GPC5: variants seen among roughly 807,000 people sequenced by gnomAD.
GPC5 encodes glypican-5.
GPC5 carries 47 observed loss-of-function variants against 53.9 expected under a neutral mutation model. The observed-to-expected ratio is 0.87, with a 90% CI of 0.69 to 1.11. The LOEUF is 1.11. Ranked by LOEUF, GPC5 falls within the 50% of genes most tolerant of loss-of-function variation. GPC5 has a pLI of 0.00. For missense variants in GPC5, 748 were observed against 713.1 expected, an observed-to-expected ratio of 1.05 and a Z score of -0.56; for synonymous variants, 286 against 263.3, an observed-to-expected ratio of 1.09 and a Z score of -0.84.
intron 7 of GPC5, among the ~76,000 whole-genome samples, chr13:92,224,187 A>G (rs1377027907): frequency 3.4e-4 from 52 of 152,186 alleles, no homozygotes; most frequent in Non-Finnish European, 6.9e-4. Context: ...TACAAAAGTA[A>G]ACTGAATGTA....
intron 7 of GPC5, among the ~76,000 whole-genome samples, chr13:92,203,664 A>T (rs1244883619): frequency 2.4e-5 from 1 of 42,198 alleles, no homozygotes. Context: ...ATAAAAAAAT[A>T]AATAAATAAA....
intron 7 of GPC5, among the ~76,000 whole-genome samples, chr13:92,580,053 C>T (rs1883324418): frequency 6.6e-6 from 1 of 152,194 alleles, no homozygotes. Flanking sequence ...TCATTACTCA[C>T]TTAGGATAAC....
intron 7 of GPC5, among the ~76,000 whole-genome samples, chr13:92,219,668 C>T (rs1002724039): frequency 6.6e-6 from 1 of 152,102 alleles, no homozygotes; most frequent in African/African-American, 2.4e-5. Flanking sequence ...AGGAGTATAA[C>T]TGTATAACTT....
At position 91,693,785 on chromosome 13, in the gene GPC5, A is replaced by G. The variant is rs149836805; in HGVS notation, c.924A>G (p.Gly308=). 9.9e-5 allele frequency: 160 copies of G among 1,614,076 alleles called. No individual in the cohort carries two copies. The African/African-American group carries it at 2.1e-3, about 21-fold the overall frequency. ...AAGAACTCTCGGATGCAATGCATGG[A>G]ACATACGACATTGGACACGTGCTGC... is the stretch of plus-strand genomic sequence containing the variant. The part of the protein sequence containing the change: ...SLEELSDAMH[G]TYDIGHVLLN... The change falls in exon 3 of 8, where the codon GGA becomes GGG. Residue 308 remains glycine, a synonymous_variant. Coordinates refer to ENST00000377067, the MANE Select transcript of GPC5 (RefSeq NM_004466.6).
At chr13:92,606,909 T>G (rs1884277974) in intron 7 of GPC5, among the ~76,000 whole-genome samples, 1 of 152,196 alleles carries the variant, frequency 6.6e-6, no homozygotes. Flanking sequence ...TTACTCCACA[T>G]GCGCTTTGCC....
intron 7 of GPC5, among the ~76,000 whole-genome samples, chr13:92,715,224 C>T (rs1888289340): frequency 6.6e-6 from 1 of 152,122 alleles, no homozygotes; most frequent in South Asian, 2.1e-4. Context: ...TGAAAAAAGA[C>T]TTGACTCGTC....
intron 5 of GPC5, among the ~76,000 whole-genome samples, chr13:91,897,827 C>G (rs2039459344): frequency 6.6e-6 from 1 of 152,152 alleles, no homozygotes. Context: ...AAGTGCTCCC[C>G]CATATTTCTA....
chr13:92,778,572 T>C (rs1237840559), intron 7 of GPC5, among the ~76,000 whole-genome samples: 1 of 152,234 alleles, frequency 6.6e-6, no homozygotes, highest in East Asian at 1.9e-4. Flanking sequence ...TATATTGTCT[T>C]GATACTAATT....
intron 7 of GPC5, among the ~76,000 whole-genome samples, chr13:92,555,699 CAT>C (rs1882470287): frequency 6.7e-6 from 1 of 149,172 alleles, no homozygotes; most frequent in Admixed American, 6.7e-5. Context: ...GATGAAAACA[CAT>C]ATTGAATAAA....
At chr13:91,523,710 T>G (rs1354521254) in intron 2 of GPC5, among the ~76,000 whole-genome samples, 1 of 152,202 alleles carries the variant, frequency 6.6e-6, no homozygotes, top group East Asian at 1.9e-4. Context: ...AGAATAAACC[T>G]GAAGTGTTTT....
intron 7 of GPC5, among the ~76,000 whole-genome samples, chr13:92,178,536 T>A (rs192918093): frequency 8.6e-5 from 13 of 151,416 alleles, no homozygotes; most frequent in Admixed American, 4.0e-4. Context: ...ATAGTGTTTG[T>A]ATATTATATA....
chr13:91,413,994 G>T (rs988466077), intron 1 of GPC5, among the ~76,000 whole-genome samples: 1 of 152,106 alleles, frequency 6.6e-6, no homozygotes, highest in Non-Finnish European at 1.5e-5. Flanking sequence ...TTCTCTCTTG[G>T]ACTGTCATGA....
intron 2 of GPC5, among the ~76,000 whole-genome samples, chr13:91,611,744 TGGC>T (rs71751425): frequency 1.1e-3 from 165 of 152,326 alleles, no homozygotes; most frequent in African/African-American, 3.8e-3. Context: ...ACAGTCCCTA[TGGC>T]CATAGTCTTG....
At chr13:92,862,652 G>A (rs1566450016) in intron 7 of GPC5, among the ~76,000 whole-genome samples, 1 of 151,948 alleles carries the variant, frequency 6.6e-6, no homozygotes, top group Non-Finnish European at 1.5e-5. Context: ...TAGATAGATA[G>A]ATAGATAGAT....
chr13:91,780,168 C>T (rs1380640842), intron 5 of GPC5, among the ~76,000 whole-genome samples: 12 of 152,158 alleles, frequency 7.9e-5, no homozygotes, highest in Admixed American at 7.9e-4. Context: ...TCTTACGGGA[C>T]CACTGTCTAT....
chr13:92,402,043 C>A (rs1029744871), intron 7 of GPC5, among the ~76,000 whole-genome samples: 26 of 152,084 alleles, frequency 1.7e-4, no homozygotes, highest in African/African-American at 6.0e-4. Context: ...CTATTGAAAG[C>A]AATTGAAATA....
At chr13:91,840,162 A>T (rs949249245) in intron 5 of GPC5, among the ~76,000 whole-genome samples, 23 of 151,954 alleles carry the variant, frequency 1.5e-4, no homozygotes, top group African/African-American at 4.6e-4. Flanking sequence ...TTAAAAAAAA[A>T]TTTTCTACTT....
At chr13:91,414,713 G>A (rs1218300751) in intron 1 of GPC5, among the ~76,000 whole-genome samples, 1 of 152,150 alleles carries the variant, frequency 6.6e-6, no homozygotes, top group Non-Finnish European at 1.5e-5. Flanking sequence ...TCACGTAACA[G>A]AAAATATGAC....
At chr13:91,436,336 T>G (rs1594087560) in intron 1 of GPC5, among the ~76,000 whole-genome samples, 2 of 151,912 alleles carry the variant, frequency 1.3e-5, no homozygotes, top group African/African-American at 4.8e-5. Context: ...TGCTATAAAT[T>G]TCCCTCTACA....
Sources: gnomAD v4.1 joint callset for allele counts (sites outside exome capture counted in the v4.1 genomes callset) on GRCh38, gnomAD v4.1.1 for gene constraint, MANE v1.5 for transcripts, NCBI Gene and HGNC (gene_info 2026-07-23, HGNC 2026-07-21) for gene names.